Variants in GDPD4 observed in about 807,000 individuals in gnomAD.
GDPD4 encodes the protein glycerophosphodiester phosphodiesterase domain containing 4, also known as glycerophosphodiester phosphodiesterase 6.
In GDPD4, 60 loss-of-function variants were observed where a neutral mutation model predicts 67.8. That is an observed-to-expected ratio of 0.88 (90% CI 0.72 to 1.10). GDPD4 has a LOEUF of 1.10. Among genes scored for constraint, GDPD4 ranks in the 50% least tolerant of loss-of-function variants. The probability of loss-of-function intolerance (pLI) is 0.00; values close to 1 mark genes in which losing one functional copy is unlikely to be tolerated. For synonymous variants in GDPD4, 212 were observed against 210.9 expected (o/e 1.00, Z -0.04); for missense variants, 623 against 613.9 (o/e 1.01, Z -0.16).
In GDPD4 at chr11:77,287,307, A is replaced by T. The variant is rs138808971; in HGVS notation, c.-140T>A. 1.4e-4 allele frequency: 21 copies of T among 152,348 alleles called. No individual in the cohort carries two copies. Among genetic ancestry groups the T allele is most frequent in the African/African-American group, 5.1e-4 (21 of 41,582 alleles). 9.4% of individuals were successfully genotyped at this position (152,348 alleles called of 1,614,324 possible). ...TAGCAGCCAGTAAGGAAGGTGACAA[A>T]GCATTTGTGGTTGAAGATGCGTGGA... On this transcript the variant is annotated 5_prime_UTR_variant, in exon 2 of 17. Coordinates refer to ENST00000315938, the MANE Select transcript of GDPD4 (RefSeq NM_182833.3).
At chr11:77,250,889 CTT>C (rs1958880567) in intron 11 of GDPD4, among the ~76,000 whole-genome samples, 1 of 152,096 alleles carries the variant, frequency 6.6e-6, no homozygotes, top group African/African-American at 2.4e-5. Context: ...GAATTGATCA[CTT>C]TATTATTTCA....
intron 13 of GDPD4, among the ~76,000 whole-genome samples, chr11:77,241,859 A>G (rs1958672008): frequency 6.6e-6 from 1 of 151,820 alleles, no homozygotes; most frequent in South Asian, 2.1e-4. Context: ...CTTGAATCCA[A>G]GAGGCGGAGG....
chr11:77,247,965 T>A (rs184017114), intron 11 of GDPD4, among the ~76,000 whole-genome samples: 1 of 145,988 alleles, frequency 6.8e-6, no homozygotes, highest in Admixed American at 7.1e-5. Flanking sequence ...GGCAGGAGAA[T>A]CGCTTGAACC....
chr11:77,281,002 A>G (rs1017182536), intron 3 of GDPD4, among the ~76,000 whole-genome samples: 5 of 152,166 alleles, frequency 3.3e-5, no homozygotes, highest in African/African-American at 7.2e-5. Flanking sequence ...AATGTGTCCA[A>G]TTTAGGCTTC....
Position 77,269,045 on chromosome 11 carries a change from G to C in GDPD4, c.503C>G (p.Pro168Arg). The C allele has an allele frequency of 1.9e-6, 3 of 1,613,830 alleles. No homozygotes were observed. The highest frequency in any genetic ancestry group is 1.3e-5 in the African/African-American group (1 of 74,994). The change falls in exon 9 of 17, where the codon CCC becomes CGC. Residue 168 changes from proline (P) to arginine (R), a missense_variant. Coordinates refer to ENST00000315938, the MANE Select transcript of GDPD4 (RefSeq NM_182833.3). Reference protein sequence around the residue: ...LRGLQVPVGLPFLLILLGLYL... With the variant: ...LRGLQVPVGLRFLLILLGLYL... ...GAGACCTAAAAGGATAAGAAGAAAG[G>C]GTAATCCAACAGGCACTTGTAGACC...
intron 13 of GDPD4, among the ~76,000 whole-genome samples, chr11:77,241,393 G>T (rs1012557950): frequency 6.6e-6 from 1 of 152,080 alleles, no homozygotes; most frequent in East Asian, 1.9e-4. Context: ...ACTTACAGTG[G>T]GGTACGGTGG....
At chr11:77,300,764 A>C (rs191305663) in intron 1 of GDPD4, among the ~76,000 whole-genome samples, 1 of 152,208 alleles carries the variant, frequency 6.6e-6, no homozygotes, top group Non-Finnish European at 1.5e-5. Context: ...AGTAAGAAAA[A>C]CAAATTGCAC....
In GDPD4 at chr11:77,233,134, G is replaced by A. The variant is rs751175673; in HGVS notation, c.1280C>T (p.Thr427Ile). 5 of 1,613,858 alleles carry A rather than the reference G, an allele frequency of 3.1e-6. No homozygotes were observed. The highest frequency in any genetic ancestry group is 4.2e-6 in the Non-Finnish European group (5 of 1,179,882). ...KAANIHINVY[T>I]VNEPWLFSLA... The stretch of plus-strand genomic sequence containing the variant: ...TGAGAAAAGCCAAGGCTCATTGACG[G>A]TGTATACGTTGATATGGATGTTAGC... Residue 427 changes from threonine (T) to isoleucine (I), a missense_variant, in exon 14 of 17, where the codon ACC (threonine) becomes ATC (isoleucine). By Grantham distance (89) the Thr-to-Ile change is moderately conservative. Transcript: ENST00000315938.
At chr11:77,238,076 A>G (rs941342859) in intron 13 of GDPD4, among the ~76,000 whole-genome samples, 3 of 152,240 alleles carry the variant, frequency 2.0e-5, no homozygotes, top group Admixed American at 6.5e-5. Context: ...AAGAGCAGAA[A>G]TCAATGAAAT....
chr11:77,237,277 G>A (rs913977058), intron 13 of GDPD4, among the ~76,000 whole-genome samples: 6 of 152,152 alleles, frequency 3.9e-5, no homozygotes, highest in African/African-American at 1.4e-4. Flanking sequence ...TGCTTTGTTT[G>A]AGCCTCTTGA....
At chr11:77,244,154 T>C (rs926738095) in intron 12 of GDPD4, among the ~76,000 whole-genome samples, 5 of 152,214 alleles carry the variant, frequency 3.3e-5, no homozygotes, top group African/African-American at 7.2e-5. Context: ...TAGCTGGGAC[T>C]ACAGGCGCCC....
chr11:77,301,043 T>C (rs1020424161), intron 1 of GDPD4, among the ~76,000 whole-genome samples: 2 of 152,190 alleles, frequency 1.3e-5, no homozygotes, highest in Non-Finnish European at 2.9e-5. Context: ...TGCAGATACT[T>C]TGTGTCTAAG....
At chr11:77,267,793 G>C (rs979720639) in intron 10 of GDPD4, among the ~76,000 whole-genome samples, 5 of 152,056 alleles carry the variant, frequency 3.3e-5, no homozygotes, top group African/African-American at 1.2e-4. Flanking sequence ...TAGGGTCTTA[G>C]AGCAAAAGCT....
intron 16 of GDPD4, among the ~76,000 whole-genome samples, chr11:77,225,863 G>C (rs527810694): frequency 1.3e-5 from 2 of 152,122 alleles, no homozygotes; most frequent in Non-Finnish European, 2.9e-5. Flanking sequence ...TCTGGGCTGT[G>C]GTTATGGCTG....
intron 4 of GDPD4, among the ~76,000 whole-genome samples, chr11:77,277,195 G>A (rs1959510064): frequency 6.7e-6 from 1 of 150,062 alleles, no homozygotes; most frequent in Non-Finnish European, 1.5e-5. Context: ...TTGCCCTACA[G>A]CACATCCTTC....
At chr11:77,288,619 C>A (rs920209110) in intron 1 of GDPD4, among the ~76,000 whole-genome samples, 1 of 152,230 alleles carries the variant, frequency 6.6e-6, no homozygotes, top group South Asian at 2.1e-4. Flanking sequence ...AAGTGCCCCA[C>A]CCAACCAACT....
intron 16 of GDPD4, 116 bp downstream of exon 16, chr11:77,227,748 C>A: frequency 1.4e-6 from 1 of 703,976 alleles, no homozygotes; most frequent in Non-Finnish European, 2.6e-6. Context: ...CCCAACCCCA[C>A]CCCCAACTTT....
At position 77,260,058 on chromosome 11, in the gene GDPD4, C is replaced by T. The variant is rs193001663; in HGVS notation, c.708-1516G>A. The stretch of plus-strand genomic sequence containing the variant: ...ATAATTGGCCAGGCGCGGTGGCTCA[C>T]GCCTGTAATCCCAACACTTTGGTGG... On this transcript the variant is annotated intron_variant, in intron 10 of 16. Coordinates refer to ENST00000315938, the MANE Select transcript of GDPD4 (RefSeq NM_182833.3). Among the ~76,000 whole-genome samples, 514 of 152,196 alleles carry T rather than the reference C, an allele frequency of 3.4e-3. 5 individuals carry two copies. Among genetic ancestry groups the T allele is most frequent in the African/African-American group, 0.011 (469 of 41,528 alleles).
chr11:77,227,533 G>A (rs12274255), intron 16 of GDPD4, among the ~76,000 whole-genome samples: 38,611 of 152,088 alleles, frequency 0.25, 6,012 homozygotes, highest in South Asian at 0.43. Context: ...GACATCTTTC[G>A]GTTATCTTCA....
Sources: gnomAD v4.1 joint callset for allele counts (sites outside exome capture counted in the v4.1 genomes callset) on GRCh38, gnomAD v4.1.1 for gene constraint, MANE v1.5 for transcripts, NCBI Gene and HGNC (gene_info 2026-07-23, HGNC 2026-07-21) for gene names.